The following RAI1 variants were observed in gnomAD, a reference collection of about 807,000 sequenced individuals.
RAI1 encodes retinoic acid induced 1.
RAI1 carries 9 observed loss-of-function variants against 123.8 expected under a neutral mutation model. The observed-to-expected ratio is 0.07, with a 90% CI of 0.04 to 0.13. RAI1 has a LOEUF of 0.13. Ranked by LOEUF, RAI1 falls within the 10% of genes least tolerant of loss-of-function variation. The pLI, the probability that RAI1 is intolerant of heterozygous loss-of-function variation, is 1.00. For synonymous variants in RAI1, 1,231 were observed against 1,127.3 expected, an observed-to-expected ratio of 1.09 and a Z score of -1.84; for missense variants, 2,256 against 2,545.8, an observed-to-expected ratio of 0.89 and a Z score of 2.45.
chr17:17,767,343 C>G (rs1447560645), intron 2 of RAI1, among the ~76,000 whole-genome samples: 2 of 151,772 alleles, frequency 1.3e-5, no homozygotes, highest in Non-Finnish European at 2.9e-5. Flanking sequence ...GAATTTGGTT[C>G]TACAAATTCC....
At chr17:17,694,215 A>C (rs1914932910) in intron 1 of RAI1, among the ~76,000 whole-genome samples, 1 of 152,014 alleles carries the variant, frequency 6.6e-6, no homozygotes, top group Non-Finnish European at 1.5e-5. Flanking sequence ...AGCCGTGCTG[A>C]GGGGAAACGG....
At chr17:17,686,611 A>ACG (rs906778883) in intron 1 of RAI1, among the ~76,000 whole-genome samples, 1 of 67,584 alleles carries the variant, frequency 1.5e-5, no homozygotes, top group Non-Finnish European at 3.7e-5. Context: ...GTGTGTGTGC[A>ACG]CGCGCGCGCC....
At chr17:17,762,215 G>A (rs2030729976) in intron 2 of RAI1, among the ~76,000 whole-genome samples, 1 of 152,152 alleles carries the variant, frequency 6.6e-6, no homozygotes, top group South Asian at 2.1e-4. Context: ...GGGACTAGGG[G>A]AGTTCCCTTA....
rs764628523 is a variant in RAI1 at position 17,809,739 on chromosome 17, G to C, written c.5710-231G>C. Among the ~76,000 whole-genome samples the C allele has an allele frequency of 1.3e-5, 2 of 152,176 alleles. No individual in the cohort carries two copies. The highest frequency in any genetic ancestry group is 3.9e-4 in the East Asian group (2 of 5,176). On this transcript the variant is annotated intron_variant, in intron 5 of 5. Coordinates refer to ENST00000353383, the MANE Select transcript of RAI1 (RefSeq NM_030665.4). The surrounding 1 kb of genome is among the most constrained non-coding windows in gnomAD (Gnocchi z 4.9). The stretch of plus-strand genomic sequence containing the variant: ...AGCTCCCCAAGATAGGTGACAGAGT[G>C]GGGCAGGCGGGGGCGCGGGACGGTG...
intron 1 of RAI1, among the ~76,000 whole-genome samples, chr17:17,716,497 T>G (rs895268641): frequency 6.6e-6 from 1 of 152,368 alleles, no homozygotes; most frequent in Non-Finnish European, 1.5e-5. Flanking sequence ...TGTTTCTGGA[T>G]GTGTGTGCCC....
At chr17:17,736,869 T>A (rs1916449562) in intron 2 of RAI1, among the ~76,000 whole-genome samples, 1 of 152,198 alleles carries the variant, frequency 6.6e-6, no homozygotes, top group Non-Finnish European at 1.5e-5. Context: ...TTTTTGAAGA[T>A]GATGCTGGAG....
At chr17:17,764,985 C>G (rs73295688) in intron 2 of RAI1, among the ~76,000 whole-genome samples, 1,687 of 152,278 alleles carry the variant, frequency 0.011, 41 homozygotes, top group African/African-American at 0.038. Flanking sequence ...TATGCCACAG[C>G]TTATTTCTCC....
rs540495673 is a variant in RAI1 at position 17,799,755 on chromosome 17, G to T, written c.5565+1242G>T. ...GTGACCCAGCACAGTGGCCCCAGCC[G>T]GTGGCTTCGCCCCTCCCCCTGCCCA... On this transcript the variant is annotated intron_variant, in intron 3 of 5. Coordinates refer to ENST00000353383, the MANE Select transcript of RAI1 (RefSeq NM_030665.4). This position sits in a 1 kb window ranked among gnomAD's most constrained non-coding sequence, Gnocchi z 4.5. Among the ~76,000 whole-genome samples the T allele has an allele frequency of 5.3e-5, 8 of 152,280 alleles. No individual in the cohort carries two copies. The highest frequency in any genetic ancestry group is 1.9e-4 in the African/African-American group (8 of 41,566).
rs1567913839 is a variant in RAI1, at chr17:17,793,291, G to A, written c.343G>A (p.Glu115Lys). The A allele has an allele frequency of 6.2e-7, 1 of 1,612,392 alleles. No homozygotes were observed. The highest frequency in any genetic ancestry group is 8.5e-7 in the Non-Finnish European group (1 of 1,179,756). ...SSPYPGRYAGEESLQAWGAPQ... is the reference protein window; with the variant it reads ...SSPYPGRYAGKESLQAWGAPQ... ...CCCCTACCCAGGCCGCTATGCTGGT[G>A]AGGAGAGCCTTCAGGCTTGGGGGGC... Residue 115 changes from glutamate to lysine, a missense_variant, in exon 3 of 6, where the codon GAG (glutamate) becomes AAG (lysine). Glu to Lys is a moderately conservative substitution (Grantham distance 56). Transcript: ENST00000353383.
chr17:17,807,175 C>T (rs1019178418), intron 4 of RAI1, among the ~76,000 whole-genome samples: 3 of 146,808 alleles, frequency 2.0e-5, no homozygotes, highest in Admixed American at 6.9e-5. Context: ...CAAGTGAGCT[C>T]GAGAGTGAAG....
At chr17:17,760,308 G>A (rs976942579) in intron 2 of RAI1, among the ~76,000 whole-genome samples, 2 of 152,136 alleles carry the variant, frequency 1.3e-5, no homozygotes, top group African/African-American at 4.8e-5. Flanking sequence ...ATGGGAGGGA[G>A]CAGTTTGGCA....
chr17:17,711,167 G>A (rs900375385), intron 1 of RAI1, among the ~76,000 whole-genome samples: 1 of 152,188 alleles, frequency 6.6e-6, no homozygotes, highest in African/African-American at 2.4e-5. Flanking sequence ...TGATAGGGGA[G>A]CCCTGCATGC....
chr17:17,727,130 T>C (rs1276334746), intron 2 of RAI1, among the ~76,000 whole-genome samples: 1 of 152,260 alleles, frequency 6.6e-6, no homozygotes, highest in African/African-American at 2.4e-5. Context: ...TCCGACTGCC[T>C]GCAGTGGGAG....
At chr17:17,701,001 T>C (rs1178762212) in intron 1 of RAI1, among the ~76,000 whole-genome samples, 1 of 152,154 alleles carries the variant, frequency 6.6e-6, no homozygotes, top group East Asian at 1.9e-4. Context: ...ATCTCGGCCT[T>C]ACTCCCCTCG....
chr17:17,796,349 C>G lies in RAI1; in HGVS notation c.3401C>G (p.Pro1134Arg). The change falls in exon 3 of 6, where the codon CCC (proline) becomes CGC (arginine). Residue 1134 changes from proline (P) to arginine (R), a missense_variant. Transcript: ENST00000353383. This position sits in a 1 kb window ranked among gnomAD's most constrained non-coding sequence, Gnocchi z 5.8. ...TCCAAGACCAAGGAGACAGACTCAC[C>G]CAGCACGCCTGGCAAGGACCAGCGC... ...MGSKTKETDS[P>R]STPGKDQRSM... The G allele has an allele frequency of 6.2e-7, 1 of 1,613,542 alleles. No individual in the cohort carries two copies. Among genetic ancestry groups the G allele is most frequent in the South Asian group, 1.1e-5 (1 of 91,088 alleles).
intron 1 of RAI1, among the ~76,000 whole-genome samples, chr17:17,691,778 G>A (rs1328785556): frequency 6.6e-6 from 1 of 152,182 alleles, no homozygotes; most frequent in African/African-American, 2.4e-5. Flanking sequence ...TGCTCTCTGG[G>A]GGATCCAGCA....
intron 2 of RAI1, among the ~76,000 whole-genome samples, chr17:17,787,495 T>A (rs2031867440): frequency 6.6e-6 from 1 of 152,118 alleles, no homozygotes; most frequent in Admixed American, 6.5e-5. Flanking sequence ...GACTGATCAG[T>A]ACAGAACTGA....
Position 17,809,322 on chromosome 17 carries a change from C to A in RAI1, c.5660-68C>A. The A allele has an allele frequency of 7.1e-7, 1 of 1,409,508 alleles. No individual in the cohort carries two copies. 87.3% of individuals were successfully genotyped at this position (1,409,508 alleles called of 1,614,324 possible). On this transcript the variant is annotated intron_variant, in intron 4 of 5. Coordinates refer to ENST00000353383, the MANE Select transcript of RAI1 (RefSeq NM_030665.4). The surrounding 1 kb of genome is among the most constrained non-coding windows in gnomAD (Gnocchi z 4.9). ...GGCAGTGCGGCTCCCCTCCTGGCTG[C>A]AGACAAAACCCCACAGCTGTGGGGC...
intron 2 of RAI1, among the ~76,000 whole-genome samples, chr17:17,789,173 G>A (rs2031929526): frequency 6.6e-6 from 1 of 152,236 alleles, no homozygotes; most frequent in Non-Finnish European, 1.5e-5. Flanking sequence ...CTCAGGACAG[G>A]GGTGTCCACC....
Sources: allele counts gnomAD v4.1 joint callset (sites outside exome capture counted in the v4.1 genomes callset), GRCh38; gene constraint gnomAD v4.1.1; non-coding constraint Gnocchi (gnomAD v3.1); transcripts MANE v1.5; gene names NCBI Gene and HGNC (gene_info 2026-07-23, HGNC 2026-07-21).